Variants in LSAMP observed in about 807,000 individuals in gnomAD.
LSAMP encodes the protein limbic system associated membrane protein, also known as limbic system-associated membrane protein.
Under a neutral mutation model 38.6 loss-of-function variants are expected in LSAMP, and 7 were observed. The observed-to-expected ratio is 0.18, with a 90% CI of 0.10 to 0.34. The LOEUF (loss-of-function observed/expected upper bound fraction) is 0.34. LSAMP is among the 10% of genes least tolerant of loss of function. The pLI, the probability that LSAMP is intolerant of heterozygous loss-of-function variation, is 1.00. For missense variants in LSAMP, 313 were observed against 420.0 expected, an observed-to-expected ratio of 0.75 and a Z score of 2.23; for synonymous variants, 154 against 166.8, an observed-to-expected ratio of 0.92 and a Z score of 0.59.
chr3:116,393,138 C>T (rs2107815419), intron 1 of LSAMP, among the ~76,000 whole-genome samples: 1 of 152,278 alleles, frequency 6.6e-6, no homozygotes, highest in East Asian at 1.9e-4. Context: ...GCTAAAAGAG[C>T]TGTAACACAC....
rs182470295 is a variant in LSAMP, at chr3:116,057,881, G to C, written c.388+28443C>G. ...TCACTCCAAAAAATTAAAAGACCAT[G>C]ACTTGTGGTTTGAATTCCCTTCAGC... On this transcript the variant is annotated intron_variant, in intron 2 of 6. Transcript: ENST00000490035. Among the ~76,000 whole-genome samples the C allele has an allele frequency of 2.6e-5, 4 of 151,364 alleles. No homozygotes were observed. The East Asian group carries it at 7.8e-4, about 29-fold the overall frequency.
At chr3:116,076,968 A>G (rs1707757383) in intron 2 of LSAMP, among the ~76,000 whole-genome samples, 1 of 151,956 alleles carries the variant, frequency 6.6e-6, no homozygotes, top group Admixed American at 6.6e-5. Context: ...GAAACTATTG[A>G]TTTAATATAT....
At chr3:116,374,725 A>G (rs1323412149) in intron 1 of LSAMP, among the ~76,000 whole-genome samples, 1 of 151,896 alleles carries the variant, frequency 6.6e-6, no homozygotes, top group Non-Finnish European at 1.5e-5. Flanking sequence ...TCACTATTTC[A>G]TTTATTGATG....
intron 3 of LSAMP, among the ~76,000 whole-genome samples, chr3:115,987,498 A>G (rs1317280758): frequency 1.3e-5 from 2 of 152,206 alleles, no homozygotes; most frequent in Non-Finnish European, 2.9e-5. Context: ...CAGGAACTAC[A>G]GTGGCAGCTG....
chr3:116,000,799 C>A (rs980771654), intron 3 of LSAMP, among the ~76,000 whole-genome samples: 2 of 152,150 alleles, frequency 1.3e-5, no homozygotes, highest in African/African-American at 4.8e-5. Flanking sequence ...AAGCAAAACA[C>A]CTGCTTACCT....
intron 1 of LSAMP, among the ~76,000 whole-genome samples, chr3:116,113,566 C>T (rs1708672806): frequency 6.7e-6 from 1 of 148,964 alleles, no homozygotes; most frequent in South Asian, 2.1e-4. Context: ...GCTGGGACTA[C>T]AGGCGCCCGC....
At chr3:116,165,063 A>G (rs1710016432) in intron 1 of LSAMP, among the ~76,000 whole-genome samples, 2 of 152,158 alleles carry the variant, frequency 1.3e-5, no homozygotes, top group South Asian at 4.1e-4. Flanking sequence ...TTCTCTCCAT[A>G]TTAATCATGC....
chr3:115,831,226 G>A (rs1934598102), intron 6 of LSAMP, among the ~76,000 whole-genome samples: 1 of 152,164 alleles, frequency 6.6e-6, no homozygotes, highest in South Asian at 2.1e-4. Context: ...CGGGGTTAGT[G>A]AATGGAAAGG....
chr3:116,171,008 T>C (rs929356187), intron 1 of LSAMP, among the ~76,000 whole-genome samples: 2 of 152,184 alleles, frequency 1.3e-5, no homozygotes, highest in African/African-American at 4.8e-5. Flanking sequence ...CAGGTTAATA[T>C]AGTGCTAAAA....
chr3:116,286,611 GGTCT>G (rs1203511772), intron 1 of LSAMP, among the ~76,000 whole-genome samples: 2 of 151,762 alleles, frequency 1.3e-5, no homozygotes, highest in Non-Finnish European at 2.9e-5. Flanking sequence ...TTCATTTTTT[GGTCT>G]GTCTTTCCAT....
At chr3:115,991,524 A>G (rs1939668030) in intron 3 of LSAMP, among the ~76,000 whole-genome samples, 1 of 152,106 alleles carries the variant, frequency 6.6e-6, no homozygotes, top group African/African-American at 2.4e-5. Context: ...GTAAATTGAT[A>G]ATTTATAATT....
chr3:116,097,822 G>A (rs1479164194), intron 1 of LSAMP, among the ~76,000 whole-genome samples: 1 of 151,942 alleles, frequency 6.6e-6, no homozygotes, highest in South Asian at 2.1e-4. Context: ...TGCAACCTCG[G>A]CCTCCTGGGT....
chr3:115,983,490 CAGCCCAGACAACAGAATGAG>C (rs1490194676), intron 3 of LSAMP, among the ~76,000 whole-genome samples: 2 of 152,102 alleles, frequency 1.3e-5, no homozygotes, highest in Non-Finnish European at 2.9e-5. Context: ...CACTGCCCTC[CAGCCCAGACAACAGAATGAG>C]AGCCTGTCTC....
chr3:115,901,252 T>C (rs1187190362), intron 3 of LSAMP, among the ~76,000 whole-genome samples: 2 of 151,990 alleles, frequency 1.3e-5, no homozygotes, highest in Non-Finnish European at 2.9e-5. Flanking sequence ...CTTTTGACAA[T>C]GTAGCAGTAA....
At chr3:115,963,453 A>G (rs561928070) in intron 3 of LSAMP, among the ~76,000 whole-genome samples, 1 of 152,320 alleles carries the variant, frequency 6.6e-6, no homozygotes, top group Admixed American at 6.5e-5. Flanking sequence ...TACTCTGGTT[A>G]TTAAGGGAGG....
At chr3:116,269,652 G>A (rs796865622) in intron 1 of LSAMP, among the ~76,000 whole-genome samples, 14 of 152,172 alleles carry the variant, frequency 9.2e-5, no homozygotes, top group African/African-American at 2.6e-4. Context: ...AAACCAGGAC[G>A]CTTCTGAGAG....
In LSAMP at chr3:115,920,630, A is replaced by G. The variant is rs76012826; in HGVS notation, c.515-68013T>C. Among the ~76,000 whole-genome samples, 797 of 152,136 alleles carry G rather than the reference A, an allele frequency of 5.2e-3. 22 individuals carry two copies. The East Asian group carries it at 0.096, about 18-fold the overall frequency. On this transcript the variant is annotated intron_variant, in intron 3 of 6. Coordinates refer to ENST00000490035, the MANE Select transcript of LSAMP (RefSeq NM_002338.5). ...CATATTATGGGATTTATCCTGGACAATGGTTCATGTGCACTTGAAAAGAAT... is the reference window on the plus strand; with the variant it reads ...CATATTATGGGATTTATCCTGGACAGTGGTTCATGTGCACTTGAAAAGAAT...
In LSAMP at chr3:116,250,158, GA is replaced by G. The variant is rs1354730402; in HGVS notation, c.156-163603del. 2.6e-5 allele frequency among the ~76,000 whole-genome samples: 4 copies of G among 152,248 alleles called. No individual in the cohort carries two copies. In the East Asian group the frequency reaches 5.8e-4, roughly 22 times the overall value. On this transcript the variant is annotated intron_variant, in intron 1 of 6. Coordinates refer to ENST00000490035, the MANE Select transcript of LSAMP (RefSeq NM_002338.5). The stretch of plus-strand genomic sequence containing the variant: ...ATCATATTCAATGAAGTAAATAGCA[GA>G]GTGCTTGACAACAAAACTCATGCTA...
At chr3:116,253,751 A>C (rs1362952464) in intron 1 of LSAMP, among the ~76,000 whole-genome samples, 2 of 152,192 alleles carry the variant, frequency 1.3e-5, no homozygotes, top group Admixed American at 6.5e-5. Flanking sequence ...TAAATCCGAC[A>C]AAGTTTAAAA....
Sources: gnomAD v4.1 joint callset for allele counts (sites outside exome capture counted in the v4.1 genomes callset) on GRCh38, gnomAD v4.1.1 for gene constraint, MANE v1.5 for transcripts, NCBI Gene and HGNC (gene_info 2026-07-23, HGNC 2026-07-21) for gene names.